The following SYT1 variants were observed in gnomAD, a reference collection of about 807,000 sequenced individuals.
SYT1 encodes synaptotagmin-1.
SYT1 carries 8 observed loss-of-function variants against 44.8 expected under a neutral mutation model. The ratio of observed to expected loss-of-function variants is 0.18; its 90% CI spans 0.10 to 0.32. SYT1 has a LOEUF of 0.32. SYT1 is among the 10% of genes least tolerant of loss of function. The pLI is 1.00. For missense variants in SYT1, 286 were observed against 509.3 expected (o/e 0.56, Z 4.22); for synonymous variants, 154 against 188.8 (o/e 0.82, Z 1.51).
At chr12:79,059,265 C>T (rs1325252864) in intron 3 of SYT1, among the ~76,000 whole-genome samples, 1 of 151,980 alleles carries the variant, frequency 6.6e-6, no homozygotes, top group Non-Finnish European at 1.5e-5. Context: ...ATGGGAGCTA[C>T]AATTCAAGAT....
chr12:79,082,851 C>T (rs1263746100), intron 3 of SYT1, among the ~76,000 whole-genome samples: 1 of 152,078 alleles, frequency 6.6e-6, no homozygotes, highest in Non-Finnish European at 1.5e-5. Flanking sequence ...GGTATATGAG[C>T]TAAACCTGCC....
chr12:79,178,250 T>TA (rs34991169), intron 3 of SYT1, among the ~76,000 whole-genome samples: 1 of 151,884 alleles, frequency 6.6e-6, no homozygotes, highest in African/African-American at 2.4e-5. Flanking sequence ...CATTTTGAGA[T>TA]TTTTTTATTC....
chr12:79,065,059 T>G (rs1875735702), intron 3 of SYT1, among the ~76,000 whole-genome samples: 2 of 152,136 alleles, frequency 1.3e-5, no homozygotes, highest in Admixed American at 1.3e-4. Flanking sequence ...CACTCTACCA[T>G]TCTTCACACA....
At chr12:79,227,283 T>C (rs1198232315) in intron 4 of SYT1, among the ~76,000 whole-genome samples, 1 of 152,164 alleles carries the variant, frequency 6.6e-6, no homozygotes, top group Non-Finnish European at 1.5e-5. Context: ...TTTTTATCTT[T>C]CAATTCATTC....
rs541344737 is a variant in SYT1, at chr12:79,266,732, C to T, written c.167-19055C>T. ...CTGCTGCTACACTTTGAAAATTGGA[C>T]AGATAAAATTGCCATGGAGAGAAAC... On this transcript the variant is annotated intron_variant, in intron 4 of 10. Transcript: ENST00000261205. Among the ~76,000 whole-genome samples, 11 of 152,230 alleles carry T rather than the reference C, an allele frequency of 7.2e-5. No individual in the cohort carries two copies. The East Asian group carries it at 1.9e-3, about 27-fold the overall frequency.
At position 79,377,094 on chromosome 12, in the gene SYT1, A is replaced by G. The variant is rs183194384; in HGVS notation, c.928+23475A>G. 2.1e-3 allele frequency among the ~76,000 whole-genome samples: 195 copies of G among 93,552 alleles called. 1 individual carries two copies. Among genetic ancestry groups the G allele is most frequent in the Non-Finnish European group, 3.1e-3 (167 of 53,090 alleles). The allele number at this position is 93,552 out of a possible 152,430, so 61.4% of individuals were successfully genotyped here. ...TCTTCCCTTTTAGAGATGTTTATGT[A>G]ACATTTTTTGTTTTTTTGTTTTGTT... is the stretch of plus-strand genomic sequence containing the variant. On this transcript the variant is annotated intron_variant, in intron 9 of 10. Coordinates refer to ENST00000261205, the MANE Select transcript of SYT1 (RefSeq NM_005639.3).
rs184711050 is a variant in SYT1, at chr12:79,003,212, G to A, written c.-84+25281G>A. Among the ~76,000 whole-genome samples the A allele has an allele frequency of 1.7e-3, 258 of 152,070 alleles. 2 individuals are homozygous for A. Among genetic ancestry groups the A allele is most frequent in the Admixed American group, 0.016 (243 of 15,238 alleles). On this transcript the variant is annotated intron_variant, in intron 2 of 10. Transcript: ENST00000261205. ...TAAAAATTGTAGTGCCTTTGATCCAGTGATTGGTATCTAGAAATTTAAGTG... is the reference window on the plus strand; with the variant it reads ...TAAAAATTGTAGTGCCTTTGATCCAATGATTGGTATCTAGAAATTTAAGTG...
intron 3 of SYT1, among the ~76,000 whole-genome samples, chr12:79,157,914 G>A (rs1216964489): frequency 6.6e-6 from 1 of 152,006 alleles, no homozygotes; most frequent in Non-Finnish European, 1.5e-5. Flanking sequence ...TAATACCTCT[G>A]AAACTAGGAC....
At chr12:78,864,036 C>T (rs1873405125), upstream of SYT1, 2 of 152,352 alleles carry the variant, frequency 1.3e-5, no homozygotes, top group African/African-American at 4.8e-5. Context: ...CCCAGGCTTC[C>T]AGCAAAGCTC....
chr12:79,040,394 T>C (rs1873466994), intron 2 of SYT1, among the ~76,000 whole-genome samples: 1 of 152,256 alleles, frequency 6.6e-6, no homozygotes, highest in Non-Finnish European at 1.5e-5. Flanking sequence ...CATTTCTTCA[T>C]GTGTTTTTTG....
At chr12:79,166,489 A>G (rs987881995) in intron 3 of SYT1, among the ~76,000 whole-genome samples, 1 of 151,980 alleles carries the variant, frequency 6.6e-6, no homozygotes, top group South Asian at 2.1e-4. Flanking sequence ...AATATTCTGA[A>G]GAAGAATATT....
intron 4 of SYT1, among the ~76,000 whole-genome samples, chr12:79,240,952 A>T (rs560688310): frequency 1.3e-5 from 2 of 152,292 alleles, no homozygotes; most frequent in South Asian, 4.1e-4. Flanking sequence ...GCAGGAGGAT[A>T]GCTTGAGCCC....
intron 1 of SYT1, among the ~76,000 whole-genome samples, chr12:78,935,385 A>G (rs10861175): frequency 0.21 from 32,550 of 152,136 alleles, 4,069 homozygotes; most frequent in South Asian, 0.4. Context: ...CCCTGTGGCT[A>G]CAATATAGGC....
At chr12:79,261,895 T>C (rs927285767) in intron 4 of SYT1, among the ~76,000 whole-genome samples, 9 of 152,196 alleles carry the variant, frequency 5.9e-5, no homozygotes, top group African/African-American at 2.2e-4. Context: ...GGAAGTAATA[T>C]GTAACATTAT....
intron 1 of SYT1, among the ~76,000 whole-genome samples, chr12:78,901,659 CAAAT>C (rs1875671818): frequency 6.6e-6 from 1 of 152,016 alleles, no homozygotes; most frequent in Non-Finnish European, 1.5e-5. Context: ...AAAACAAGTC[CAAAT>C]ATTTGTTCAT....
chr12:78,928,849 G>A lies in SYT1; in HGVS notation c.-216-48950G>A, dbSNP rs534835322. On this transcript the variant is annotated intron_variant, in intron 1 of 10. Transcript: ENST00000261205. ...TTATTTAATATTTTCAAACTGCACG[G>A]TAACTAAAGCCATGAAAACCAAACC... Among the ~76,000 whole-genome samples the A allele has an allele frequency of 2.6e-5, 4 of 152,136 alleles. 1 individual carries two copies. The East Asian group carries it at 5.8e-4, about 22-fold the overall frequency.
rs990886249 is a variant in SYT1 at position 79,450,430 on chromosome 12, GT to G, written c.*1308del. The G allele has an allele frequency of 1.8e-4, 28 of 152,594 alleles. No homozygotes were observed. Among genetic ancestry groups the G allele is most frequent in the African/African-American group, 6.7e-4 (28 of 41,532 alleles). The allele number at this position is 152,594 out of a possible 1,614,324, so 9.5% of individuals were successfully genotyped here. A position where few individuals can be genotyped will look rare whatever the true frequency, so the allele number is the denominator to read the frequency against. On this transcript the variant is annotated 3_prime_UTR_variant, in exon 11 of 11. Coordinates refer to ENST00000261205, the MANE Select transcript of SYT1 (RefSeq NM_005639.3). ...AAAAGGTGAAACAAACCAAGAACAA[GT>G]TCTAGAAAACTGAAGCAACCTCTTA...
intron 4 of SYT1, among the ~76,000 whole-genome samples, chr12:79,242,437 C>G (rs570838772): frequency 2.5e-4 from 38 of 152,300 alleles, no homozygotes; most frequent in African/African-American, 8.4e-4. Context: ...AGAGGCCCCT[C>G]CCCTGTGGGC....
At chr12:78,923,111 C>A (rs978496616) in intron 1 of SYT1, among the ~76,000 whole-genome samples, 1 of 151,898 alleles carries the variant, frequency 6.6e-6, no homozygotes, top group Admixed American at 6.6e-5. Flanking sequence ...CCAGCAGAGT[C>A]CAATTTCTAT....
Sources: allele counts gnomAD v4.1 joint callset (sites outside exome capture counted in the v4.1 genomes callset), GRCh38; gene constraint gnomAD v4.1.1; transcripts MANE v1.5; gene names NCBI Gene and HGNC (gene_info 2026-07-23, HGNC 2026-07-21).